The following DNAJC14 variants were observed in gnomAD, a reference collection of about 807,000 sequenced individuals.
DNAJC14 encodes dnaJ homolog subfamily C member 14.
Under a neutral mutation model 68.8 loss-of-function variants are expected in DNAJC14, and 12 were observed. The ratio of observed to expected loss-of-function variants is 0.17; its 90% CI spans 0.11 to 0.28. DNAJC14 has a LOEUF of 0.28. DNAJC14 is among the 10% of genes least tolerant of loss of function. The pLI, the probability that DNAJC14 is intolerant of heterozygous loss-of-function variation, is 1.00. For synonymous variants in DNAJC14, 350 were observed against 321.5 expected, an observed-to-expected ratio of 1.09 and a Z score of -0.95; for missense variants, 764 against 875.6, an observed-to-expected ratio of 0.87 and a Z score of 1.61.
intron 2 of DNAJC14, 83 bp from the exon 3 acceptor site, chr12:55,823,591 T>C: frequency 8.3e-7 from 1 of 1,202,976 alleles, no homozygotes; most frequent in Non-Finnish European, 1.2e-6. Context: ...AAGGGTTCTC[T>C]TTCATCACCC....
At chr12:55,823,298 C>G in intron 3 of DNAJC14, 104 bp downstream of exon 3, 1 of 1,596,504 alleles carries the variant, frequency 6.3e-7, no homozygotes, top group Non-Finnish European at 8.6e-7. Context: ...CAAGTGACTT[C>G]AGTTCTCTCC....
chr12:55,823,573 T>C, intron 2 of DNAJC14, 65 bp from the exon 3 acceptor site: 1 of 1,420,246 alleles, frequency 7.0e-7, no homozygotes, highest in Non-Finnish European at 9.9e-7. Context: ...GAATTTATTC[T>C]CATATCAAAG....
Position 55,823,480 on chromosome 12 carries a change from C to T in DNAJC14, c.1436G>A (p.Arg479Gln), listed in dbSNP as rs779241064. The T allele has an allele frequency of 1.9e-6, 3 of 1,613,948 alleles. No homozygotes were observed. The highest frequency in any genetic ancestry group is 2.2e-5 in the East Asian group (1 of 44,890). ...MVHPDKNHHP[R>Q]AEEAFKVLRA... is the part of the protein sequence containing the mutation. ...CAAAACCTTGAAGGCCTCCTCAGCC[C>T]GGGGATGATGATTTTTGTCAGGATG... is the stretch of plus-strand genomic sequence containing the variant. The change falls in exon 3 of 7, where the codon CGG (arginine) becomes CAG (glutamine). Residue 479 changes from arginine (R) to glutamine (Q), a missense_variant. Arg to Gln is a conservative substitution (Grantham distance 43). This residue lies in a region of DNAJC14 where 110 missense variants were observed against 162.7 expected (regional missense o/e 0.68). Coordinates refer to ENST00000678005, the MANE Select transcript of DNAJC14 (RefSeq NM_032364.6).
In DNAJC14 at chr12:55,828,424, C is replaced by T; in HGVS notation, c.235G>A (p.Gly79Arg). The T allele has an allele frequency of 3.1e-6, 5 of 1,614,070 alleles. No individual in the cohort carries two copies. Among genetic ancestry groups the T allele is most frequent in the Non-Finnish European group, 4.2e-6 (5 of 1,179,946 alleles). ...GCATCTCTAGGTGGTCCTGGACCCC[C>T]TGGGGGGCCATGGCTTGGGTCCAAC... The part of the protein sequence containing the change: ...HWLDPSHGPP[G>R]GPGPPRDAED... The change falls in exon 2 of 7, where the codon GGG (glycine) becomes AGG (arginine). Residue 79 changes from glycine (G) to arginine (R), a missense_variant. Transcript: ENST00000678005.
rs185963881 is a variant in DNAJC14 at position 55,826,616 on chromosome 12, A to G, written c.1407+636T>C. On this transcript the variant is annotated intron_variant, in intron 2 of 6. Transcript: ENST00000678005. ...GGAGATCGAGACCATCCTGGCTAAC[A>G]CGGTGAAACCCCGTTTCTACTAAAA... is the stretch of plus-strand genomic sequence containing the variant. Among the ~76,000 whole-genome samples the G allele has an allele frequency of 3.6e-3, 545 of 152,030 alleles. 5 individuals are homozygous for G. The highest frequency in any genetic ancestry group is 0.013 in the African/African-American group (527 of 41,516).
chr12:55,827,749 C>A lies in DNAJC14; in HGVS notation c.910G>T (p.Val304Phe). 1 of 1,614,086 alleles carries A rather than the reference C, an allele frequency of 6.2e-7. No homozygotes were observed. Among genetic ancestry groups the A allele is most frequent in the South Asian group, 1.1e-5 (1 of 91,066 alleles). Residue 304 changes from valine (V) to phenylalanine (F), a missense_variant, in exon 2 of 7, where the codon GTC (valine) becomes TTC (phenylalanine). Val to Phe is a conservative substitution (Grantham distance 50, BLOSUM62 -1). Transcript: ENST00000678005. ...CCCTGGCTTAGAAACTGAAACATGA[C>A]CTGGGCCCAGCCCCCTAACCGCCCT... ...WTGRLGGWAQ[V>F]MFQFLSQGFY... is the part of the protein sequence containing the mutation.
chr12:55,827,033 CA>C (rs1227135180), intron 2 of DNAJC14, among the ~76,000 whole-genome samples: 1 of 149,392 alleles, frequency 6.7e-6, no homozygotes, highest in Non-Finnish European at 1.5e-5. Flanking sequence ...ACTAAAAATA[CA>C]AAAAAAATTA....
chr12:55,825,828 G>A (rs1416109095), intron 2 of DNAJC14, among the ~76,000 whole-genome samples: 3 of 152,118 alleles, frequency 2.0e-5, no homozygotes, highest in East Asian at 1.9e-4. Flanking sequence ...ACAGGCGTAA[G>A]CCACCGCGCC....
At chr12:55,822,780 T>C (rs1215819786) in intron 4 of DNAJC14, 48 bp from the exon 5 acceptor site, 1 of 1,602,752 alleles carries the variant, frequency 6.2e-7, no homozygotes, top group Admixed American at 1.7e-5. Context: ...CAAGCCTACC[T>C]AGGGCACTGC....
rs1341343328 is a variant in DNAJC14 at position 55,822,169 on chromosome 12, A to C, written c.1917T>G (p.Pro639=). The change falls in exon 7 of 7, where the codon CCT becomes CCG. Residue 639 remains proline (P), a synonymous_variant. Coordinates refer to ENST00000678005, the MANE Select transcript of DNAJC14 (RefSeq NM_032364.6). ...TCAAGAAATCCTGAAGATCAGCAGG[A>C]GGGGCATCTGGGGTGGCTCTGAGGT... ...RGRQRATPDA[P]PADLQDFLSR... 1 of 1,600,392 alleles carries C rather than the reference A, an allele frequency of 6.2e-7. No individual in the cohort carries two copies. Among genetic ancestry groups the C allele is most frequent in the South Asian group, 1.1e-5 (1 of 89,376 alleles).
At chr12:55,825,607 G>A (rs966961666) in intron 2 of DNAJC14, among the ~76,000 whole-genome samples, 14 of 140,058 alleles carry the variant, frequency 1.0e-4, no homozygotes, top group African/African-American at 3.4e-4. Flanking sequence ...ACAGTGGCGC[G>A]ATCTCGGCTC....
At chr12:55,829,613 G>T (rs1313015448), upstream of DNAJC14, 29 of 985,236 alleles carry the variant, frequency 2.9e-5, no homozygotes, top group South Asian at 9.4e-4. Context: ...CCCCGCGGCC[G>T]CCGGCGACCT....
At chr12:55,826,784 G>A (rs1157385188) in intron 2 of DNAJC14, among the ~76,000 whole-genome samples, 2 of 151,020 alleles carry the variant, frequency 1.3e-5, no homozygotes, top group Non-Finnish European at 2.9e-5. Flanking sequence ...GGGCGATAGA[G>A]CGTGACTCCG....
intron 2 of DNAJC14, among the ~76,000 whole-genome samples, chr12:55,826,929 C>A (rs547797014): frequency 6.6e-6 from 1 of 152,156 alleles, no homozygotes; most frequent in South Asian, 2.1e-4. Context: ...GTGGCTCACA[C>A]CTGTAATCAC....
intron 6 of DNAJC14, 83 bp downstream of exon 6, chr12:55,822,290 C>G (rs1047473263): frequency 1.3e-6 from 2 of 1,551,316 alleles, no homozygotes; most frequent in Non-Finnish European, 1.7e-6. Flanking sequence ...AACAAGGCCC[C>G]TGGGTGTCCT....
chr12:55,830,046 G>C (rs570618757), upstream of DNAJC14: 1 of 152,426 alleles, frequency 6.6e-6, no homozygotes, highest in East Asian at 1.9e-4. Context: ...GTATCCTGCG[G>C]TGCGGAGGTG....
chr12:55,827,635 G>T lies in DNAJC14; in HGVS notation c.1024C>A (p.Leu342Ile). ...ACCAGAAACCGCCATCCCAACTGTA[G>T]AAAGCCCAAAAAGAGGGCCAGAGCC... The part of the protein sequence containing the change: ...LLALALFLGF[L>I]QLGWRFLVGL... The change falls in exon 2 of 7, where the codon CTA becomes ATA. Residue 342 changes from leucine (L) to isoleucine (I), a missense_variant. Leu to Ile is a conservative substitution (Grantham distance 5). Transcript: ENST00000678005. 1 of 1,611,890 alleles carries T rather than the reference G, an allele frequency of 6.2e-7. No individual in the cohort carries two copies. Among genetic ancestry groups the T allele is most frequent in the Non-Finnish European group, 8.5e-7 (1 of 1,179,010 alleles).
Position 55,829,548 on chromosome 12 carries a change from C to CG in DNAJC14, c.-117dup. The CG allele has an allele frequency of 1.0e-6, 1 of 985,450 alleles. No individual in the cohort carries two copies. Among genetic ancestry groups the CG allele is most frequent in the Non-Finnish European group, 1.2e-6 (1 of 829,940 alleles). 61.0% of individuals were successfully genotyped at this position (985,450 alleles called of 1,614,324 possible). ...CCCGGCCTGGGGCCAGGGTGAGCTA[C>CG]GAGAGCCGCTCTCCCGGCTCCGCCT... is the stretch of plus-strand genomic sequence containing the variant. On this transcript the variant is annotated 5_prime_UTR_variant, in exon 1 of 7. Coordinates refer to ENST00000678005, the MANE Select transcript of DNAJC14 (RefSeq NM_032364.6).
chr12:55,830,480 TC>T (rs752759912), upstream of DNAJC14: 4 of 152,174 alleles, frequency 2.6e-5, no homozygotes, highest in Non-Finnish European at 5.9e-5. Flanking sequence ...CAGTTGGCGC[TC>T]CCCGACCAGC....
Sources: allele counts gnomAD v4.1 joint callset (sites outside exome capture counted in the v4.1 genomes callset), GRCh38; gene constraint gnomAD v4.1.1; regional missense constraint gnomAD v4.1.1; transcripts MANE v1.5; gene names NCBI Gene and HGNC (gene_info 2026-07-23, HGNC 2026-07-21).